Variants in MFSD1 observed in about 807,000 individuals in gnomAD.
MFSD1 encodes lysosomal dipeptide transporter MFSD1.
A neutral mutation model predicts 67.1 loss-of-function variants in MFSD1; 59 were observed. The observed-to-expected ratio is 0.88, with a 90% confidence interval of 0.71 to 1.09. The LOEUF is 1.09. MFSD1 is among the 50% of genes least tolerant of loss of function. The probability of loss-of-function intolerance (pLI) is 0.00; values close to 1 mark genes in which losing one functional copy is unlikely to be tolerated. For synonymous variants in MFSD1, 213 were observed against 200.3 expected (o/e 1.06, Z -0.54); for missense variants, 552 against 566.1 (o/e 0.97, Z 0.25).
Position 158,829,058 on chromosome 3 carries a change from G to C in MFSD1, c.*76G>C. On this transcript the variant is annotated 3_prime_UTR_variant, in exon 16 of 16. Transcript: ENST00000415822. ...GAAAACTTCCATTTTTAAAAATTTA[G>C]AGTTTAGTCATTAGAAAAAATAATG... The C allele has an allele frequency of 7.1e-7, 1 of 1,409,190 alleles. No individual in the cohort carries two copies. 87.3% of individuals were successfully genotyped at this position (1,409,190 alleles called of 1,614,324 possible). A position where few individuals can be genotyped will look rare whatever the true frequency, so the allele number is the denominator to read the frequency against.
chr3:158,819,216 A>G (rs1323372850), intron 7 of MFSD1, among the ~76,000 whole-genome samples: 5 of 152,160 alleles, frequency 3.3e-5, no homozygotes, highest in Non-Finnish European at 4.4e-5. Flanking sequence ...AAGGCCGTGG[A>G]CTCTGGGAAA....
chr3:158,807,104 A>G, intron 4 of MFSD1, 22 bp downstream of exon 4: 7 of 1,597,788 alleles, frequency 4.4e-6, no homozygotes, highest in Non-Finnish European at 6.0e-6. Flanking sequence ...CAAAACATTC[A>G]TTGATTATTG....
At chr3:158,804,443 C>A in intron 2 of MFSD1, 72 bp downstream of exon 2, 1 of 1,209,730 alleles carries the variant, frequency 8.3e-7, no homozygotes, top group South Asian at 1.3e-5. Context: ...CATTATCAAC[C>A]CTCAGGTGCC....
chr3:158,824,228 G>A lies in MFSD1; in HGVS notation c.1280G>A (p.Cys427Tyr). The change falls in exon 13 of 16, where the codon TGT becomes TAT. Residue 427 changes from cysteine (C) to tyrosine (Y), a missense_variant. Cys to Tyr is a radical substitution (Grantham distance 194). Coordinates refer to ENST00000415822, the MANE Select transcript of MFSD1 (RefSeq NM_022736.4). ...YLFLEVFFIA[C>Y]VSLSLLSVVL... Reference sequence around the variant, plus strand: ...TTTTTGGAAGTGTTCTTCATTGCCTGTGTTTCTTGTGAGTATTCCGTATGA... The same window carrying A: ...TTTTTGGAAGTGTTCTTCATTGCCTATGTTTCTTGTGAGTATTCCGTATGA... The A allele has an allele frequency of 6.3e-7, 1 of 1,599,502 alleles. No homozygotes were observed. The highest frequency in any genetic ancestry group is 1.1e-5 in the South Asian group (1 of 90,660).
At chr3:158,816,480 C>T (rs370123218) in intron 7 of MFSD1, among the ~76,000 whole-genome samples, 22 of 152,224 alleles carry the variant, frequency 1.4e-4, no homozygotes, top group African/African-American at 2.6e-4. Flanking sequence ...TCATGTCCTT[C>T]GCTCACTTTT....
chr3:158,819,203 G>T (rs1730536246), intron 7 of MFSD1, among the ~76,000 whole-genome samples: 1 of 152,206 alleles, frequency 6.6e-6, no homozygotes, highest in Non-Finnish European at 1.5e-5. Context: ...GAGGGCAGGA[G>T]CGAAGGCCGT....
intron 7 of MFSD1, among the ~76,000 whole-genome samples, chr3:158,816,378 T>A (rs1342799528): frequency 6.6e-6 from 1 of 152,110 alleles, no homozygotes; most frequent in Non-Finnish European, 1.5e-5. Flanking sequence ...TCATTGTGGT[T>A]TTGATTTGCA....
rs1485584756 is a variant in MFSD1, at chr3:158,824,778, G to A, written c.1288+542G>A. Among the ~76,000 whole-genome samples, 4 of 152,126 alleles carry A rather than the reference G, an allele frequency of 2.6e-5. No individual in the cohort carries two copies. In the East Asian group the frequency reaches 7.7e-4, roughly 29 times the overall value. On this transcript the variant is annotated intron_variant, in intron 13 of 15. Coordinates refer to ENST00000415822, the MANE Select transcript of MFSD1 (RefSeq NM_022736.4). ...AAAATTCTCCTTAACACATCAAGAT[G>A]TCTTTTATAGTTCAATATTGTGCTT...
intron 9 of MFSD1, 97 bp downstream of exon 9, chr3:158,820,423 T>C: frequency 1.3e-6 from 1 of 773,672 alleles, no homozygotes; most frequent in Non-Finnish European, 2.2e-6. Context: ...CTTGCTTCTC[T>C]GGTTATAGTT....
chr3:158,812,798 C>T, intron 6 of MFSD1, among the ~76,000 whole-genome samples: 1 of 152,144 alleles, frequency 6.6e-6, no homozygotes, highest in East Asian at 1.9e-4. Context: ...CTTCCCTTCC[C>T]ACCATTTCCT....
intron 15 of MFSD1, among the ~76,000 whole-genome samples, chr3:158,827,976 G>GAGAGAGAGAGAGAGAGAGAGAGAC (rs1553759912): frequency 1.8e-4 from 14 of 78,886 alleles, no homozygotes; most frequent in East Asian, 4.3e-4. Context: ...GAGAGAGAGA[G>GAGAGAGAGAGAGAGAGAGAGAGAC]AGACAGAGAT....
rs140562680 is a variant in MFSD1 at position 158,819,295 on chromosome 3, A to G, written c.653-354A>G. Among the ~76,000 whole-genome samples the G allele has an allele frequency of 9.2e-5, 14 of 152,314 alleles. No individual in the cohort carries two copies. The East Asian group carries it at 1.9e-3, about 21-fold the overall frequency. ...ATTTTTTCCCTGGTGTCCATTGACAATTGGTGCTTAGACTGAATGAAGAAA... is the reference window on the plus strand; with the variant it reads ...ATTTTTTCCCTGGTGTCCATTGACAGTTGGTGCTTAGACTGAATGAAGAAA... On this transcript the variant is annotated intron_variant, in intron 7 of 15. Transcript: ENST00000415822.
chr3:158,805,445 C>G lies in MFSD1; in HGVS notation c.300C>G (p.Gly100=), dbSNP rs1446058909. Residue 100 remains glycine, a synonymous_variant, in exon 3 of 16, where the codon GGC becomes GGG. Coordinates refer to ENST00000415822, the MANE Select transcript of MFSD1 (RefSeq NM_022736.4). ...ATGTAGTTTTGTGTTTCTTTGGTGG[C>G]TTTTTGATAGACCGAGTATTTGGAA... ...WPNVVLCFFG[G]FLIDRVFGIR... 6.2e-7 allele frequency: 1 copy of G among 1,613,618 alleles called. No individual in the cohort carries two copies. The highest frequency in any genetic ancestry group is 8.5e-7 in the Non-Finnish European group (1 of 1,179,740).
At chr3:158,821,128 A>G (rs150492673) in intron 9 of MFSD1, among the ~76,000 whole-genome samples, 33 of 152,324 alleles carry the variant, frequency 2.2e-4, no homozygotes, top group African/African-American at 7.2e-4. Context: ...TCTTTGCTTT[A>G]TCTTCTACTT....
intron 8 of MFSD1, 74 bp downstream of exon 8, chr3:158,819,821 C>A: frequency 1.3e-6 from 1 of 782,990 alleles, no homozygotes; most frequent in Admixed American, 2.6e-5. Context: ...ATCTAAGTTC[C>A]TAATGAAGTG....
In MFSD1 at chr3:158,805,286, G is replaced by A. The variant is rs185445425; in HGVS notation, c.217-76G>A. The A allele has an allele frequency of 5.1e-6, 6 of 1,166,726 alleles. No homozygotes were observed. In the Admixed American group the frequency reaches 1.0e-4, roughly 20 times the overall value. 72.3% of individuals were successfully genotyped at this position (1,166,726 alleles called of 1,614,324 possible). Reference sequence around the variant, plus strand: ...AAGAATGTAACTACTTTCCACTTTAGATTGTCATATTTTGATTTGTTAGTT... The same window carrying A: ...AAGAATGTAACTACTTTCCACTTTAAATTGTCATATTTTGATTTGTTAGTT... On this transcript the variant is annotated intron_variant, in intron 2 of 15. Coordinates refer to ENST00000415822, the MANE Select transcript of MFSD1 (RefSeq NM_022736.4).
chr3:158,824,362 A>G (rs1482807305), intron 13 of MFSD1, 126 bp downstream of exon 13: 6 of 694,078 alleles, frequency 8.6e-6, no homozygotes, highest in Non-Finnish European at 1.5e-5. Context: ...ATAGCTGGTG[A>G]CTTTCTAGCC....
chr3:158,821,213 C>G (rs1438114523), intron 9 of MFSD1, among the ~76,000 whole-genome samples: 2 of 152,162 alleles, frequency 1.3e-5, no homozygotes, highest in African/African-American at 4.8e-5. Flanking sequence ...GGTTTATACC[C>G]TTTGAGTTCA....
At chr3:158,819,778 G>A in intron 8 of MFSD1, 31 bp downstream of exon 8, 2 of 1,270,688 alleles carry the variant, frequency 1.6e-6, no homozygotes, top group Admixed American at 3.7e-5. Flanking sequence ...GGGACTTAGG[G>A]GAATTACGGC....
Sources: gnomAD v4.1 joint callset for allele counts (sites outside exome capture counted in the v4.1 genomes callset) on GRCh38, gnomAD v4.1.1 for gene constraint, MANE v1.5 for transcripts, NCBI Gene and HGNC (gene_info 2026-07-23, HGNC 2026-07-21) for gene names.